Variants in ZFAND3 observed in about 807,000 individuals in gnomAD.
The protein encoded by ZFAND3 is zinc finger AN1-type containing 3.
Under a neutral mutation model 29.6 loss-of-function variants are expected in ZFAND3, and 10 were observed. That is an observed-to-expected ratio of 0.34 (90% CI 0.21 to 0.57). The LOEUF is 0.57. Ranked by LOEUF, ZFAND3 falls within the 20% of genes least tolerant of loss-of-function variation. The pLI, the probability that ZFAND3 is intolerant of heterozygous loss-of-function variation, is 0.86. For missense variants in ZFAND3, 230 were observed against 304.5 expected (o/e 0.76, Z 1.82); for synonymous variants, 128 against 112.6 (o/e 1.14, Z -0.87).
chr6:38,009,122 C>G (rs1223992343), intron 2 of ZFAND3, among the ~76,000 whole-genome samples: 2 of 152,170 alleles, frequency 1.3e-5, no homozygotes, highest in African/African-American at 4.8e-5. Context: ...AGGGAATCTT[C>G]ATTGTATACC....
chr6:37,994,492 C>G lies in ZFAND3; in HGVS notation c.112+64493C>G, dbSNP rs185065247. ...CTCAGAAATTGCCTGCCAACACCCC[C>G]CTCATAGTAGAATGACTAATTATGA... On this transcript the variant is annotated intron_variant, in intron 2 of 5. Transcript: ENST00000287218. Among the ~76,000 whole-genome samples, 613 of 152,270 alleles carry G rather than the reference C, an allele frequency of 4.0e-3. 7 individuals are homozygous for G. Among genetic ancestry groups the G allele is most frequent in the Admixed American group, 5.2e-3 (80 of 15,302 alleles).
intron 2 of ZFAND3, among the ~76,000 whole-genome samples, chr6:37,957,582 C>G (rs1033033608): frequency 1.3e-5 from 2 of 152,052 alleles, no homozygotes; most frequent in African/African-American, 2.4e-5. Flanking sequence ...GTTTTTTACT[C>G]AAGCAGAACA....
At chr6:37,983,164 G>A (rs1018696537) in intron 2 of ZFAND3, among the ~76,000 whole-genome samples, 15 of 151,912 alleles carry the variant, frequency 9.9e-5, no homozygotes, top group African/African-American at 2.2e-4. Context: ...GCTAAGTTTA[G>A]AAGTAGAAGG....
intron 2 of ZFAND3, among the ~76,000 whole-genome samples, chr6:38,038,455 GAAAC>G (rs1485200481): frequency 6.6e-6 from 1 of 152,080 alleles, no homozygotes; most frequent in Non-Finnish European, 1.5e-5. Context: ...AACTAAAACT[GAAAC>G]AAATGTACCA....
At chr6:38,035,638 G>A (rs1048628322) in intron 2 of ZFAND3, among the ~76,000 whole-genome samples, 16 of 152,108 alleles carry the variant, frequency 1.1e-4, no homozygotes, top group Admixed American at 8.5e-4. Context: ...ACAAATTCCT[G>A]CCTTTTCTTT....
chr6:37,825,623 C>T (rs929671429), intron 1 of ZFAND3, among the ~76,000 whole-genome samples: 4 of 151,836 alleles, frequency 2.6e-5, no homozygotes. Context: ...TTGGTTTTAT[C>T]ATCTTCTCTT....
At chr6:37,988,107 A>G (rs567521933) in intron 2 of ZFAND3, among the ~76,000 whole-genome samples, 1 of 152,338 alleles carries the variant, frequency 6.6e-6, no homozygotes, top group South Asian at 2.1e-4. Flanking sequence ...ATGCTTCCTT[A>G]GAAGAAAATA....
At chr6:38,125,326 C>T (rs1430653358) in intron 5 of ZFAND3, among the ~76,000 whole-genome samples, 2 of 152,298 alleles carry the variant, frequency 1.3e-5, no homozygotes, top group Non-Finnish European at 2.9e-5. Context: ...CAAATGAAAC[C>T]TTTTACTGAA....
intron 2 of ZFAND3, among the ~76,000 whole-genome samples, chr6:38,049,029 A>G (rs1763966493): frequency 2.0e-5 from 3 of 152,162 alleles, no homozygotes; most frequent in Non-Finnish European, 4.4e-5. Context: ...TACATTTGAA[A>G]TCACATGCCT....
At chr6:37,993,953 A>G (rs1406170390) in intron 2 of ZFAND3, among the ~76,000 whole-genome samples, 1 of 152,220 alleles carries the variant, frequency 6.6e-6, no homozygotes, top group African/African-American at 2.4e-5. Flanking sequence ...GAAAAAGTGA[A>G]TGTTACCAGT....
intron 2 of ZFAND3, among the ~76,000 whole-genome samples, chr6:37,960,345 G>A (rs768894592): frequency 2.0e-5 from 3 of 152,166 alleles, no homozygotes; most frequent in Non-Finnish European, 4.4e-5. Context: ...AACCTCAAAT[G>A]TCAGATCCTT....
intron 2 of ZFAND3, among the ~76,000 whole-genome samples, chr6:38,018,829 G>A (rs1044643322): frequency 6.6e-5 from 10 of 152,198 alleles, no homozygotes; most frequent in South Asian, 4.1e-4. Context: ...ATGGGTCAAA[G>A]TGTATGTGCA....
At chr6:38,075,869 A>C (rs1048640363) in intron 3 of ZFAND3, among the ~76,000 whole-genome samples, 1 of 152,058 alleles carries the variant, frequency 6.6e-6, no homozygotes, top group Non-Finnish European at 1.5e-5. Flanking sequence ...CTCCTGCCTC[A>C]GCCTCCCGAC....
At chr6:37,845,962 C>T (rs747651966) in intron 1 of ZFAND3, among the ~76,000 whole-genome samples, 1 of 152,172 alleles carries the variant, frequency 6.6e-6, no homozygotes, top group Non-Finnish European at 1.5e-5. Context: ...AGAACTTGCA[C>T]TGCCCTGCAT....
At chr6:38,038,142 G>A (rs1206978252) in intron 2 of ZFAND3, among the ~76,000 whole-genome samples, 2 of 152,144 alleles carry the variant, frequency 1.3e-5, no homozygotes, top group African/African-American at 4.8e-5. Context: ...TAATCAGCTG[G>A]CCCGAGGCCT....
intron 1 of ZFAND3, among the ~76,000 whole-genome samples, chr6:37,837,210 C>T (rs1158499580): frequency 1.3e-5 from 2 of 152,150 alleles, no homozygotes; most frequent in South Asian, 2.1e-4. Flanking sequence ...GGACAGACTT[C>T]TTGGCTGATA....
At chr6:38,134,152 G>C (rs967393398) in intron 5 of ZFAND3, among the ~76,000 whole-genome samples, 1 of 152,032 alleles carries the variant, frequency 6.6e-6, no homozygotes, top group East Asian at 1.9e-4. Context: ...TGGAAAACCG[G>C]GTCCACAGCA....
intron 4 of ZFAND3, among the ~76,000 whole-genome samples, chr6:38,099,504 C>G (rs577007668): frequency 3.2e-4 from 49 of 152,280 alleles, no homozygotes; most frequent in African/African-American, 1.0e-3. Context: ...TCCCAAATAG[C>G]AGAACCACAA....
At chr6:37,922,813 G>A (rs1248859797) in intron 1 of ZFAND3, among the ~76,000 whole-genome samples, 2 of 152,214 alleles carry the variant, frequency 1.3e-5, no homozygotes, top group African/African-American at 4.8e-5. Flanking sequence ...CACTTACCAT[G>A]AATGGAGCTT....
Sources: allele counts gnomAD v4.1 joint callset (sites outside exome capture counted in the v4.1 genomes callset), GRCh38; gene constraint gnomAD v4.1.1; transcripts MANE v1.5; gene names NCBI Gene and HGNC (gene_info 2026-07-23, HGNC 2026-07-21).